The following CELSR1 variants were observed in gnomAD, a reference collection of about 807,000 sequenced individuals.
The protein encoded by CELSR1 is adhesion G protein-coupled receptor C1.
A neutral mutation model predicts 249.1 loss-of-function variants in CELSR1; 110 were observed. The observed-to-expected ratio is 0.44, with a 90% CI of 0.38 to 0.52. The LOEUF is 0.52. CELSR1 is among the 20% of genes least tolerant of loss of function. CELSR1 has a pLI of 0.00. For synonymous variants in CELSR1, 2,113 were observed against 1,900.0 expected (o/e 1.11, Z -2.92); for missense variants, 4,109 against 4,296.4 (o/e 0.96, Z 1.22).
At position 46,454,586 on chromosome 22, in the gene CELSR1, G is replaced by A. The variant is rs891631999; in HGVS notation, c.4183+9121C>T. Among the ~76,000 whole-genome samples, 9 of 152,222 alleles carry A rather than the reference G, an allele frequency of 5.9e-5. No homozygotes were observed. The highest frequency in any genetic ancestry group is 1.3e-4 in the Non-Finnish European group (9 of 68,040). ...TCTTCAGGCCACTTTTCTAACTGTG[G>A]GCCAGACATTTCTGGGCAGATGTTT... On this transcript the variant is annotated intron_variant, in intron 2 of 34. Coordinates refer to ENST00000674500, the MANE Select transcript of CELSR1 (RefSeq NM_001378328.1). The surrounding 1 kb of genome is among the most constrained non-coding windows in gnomAD (Gnocchi z 5.1).
Position 46,367,019 on chromosome 22 carries a change from C to G in CELSR1, c.8179G>C (p.Ala2727Pro). The change falls in exon 29 of 35, where the codon GCC becomes CCC. Residue 2727 changes from alanine to proline, a missense_variant. Physicochemically the swap from Ala to Pro is conservative, Grantham distance 27. Transcript: ENST00000674500. ...GGRKLHLEDS[A>P]TTRATLLTRS... ...GTCAGCAGGGTGGCCCTGGTGGTGG[C>G]GGAGTCCTCCAGGTGCAGCTTCCTC... is the stretch of plus-strand genomic sequence containing the variant. The G allele has an allele frequency of 6.2e-7, 1 of 1,610,290 alleles. No individual in the cohort carries two copies. The highest frequency in any genetic ancestry group is 8.5e-7 in the Non-Finnish European group (1 of 1,179,462).
chr22:46,485,618 G>A (rs919205455), intron 1 of CELSR1, among the ~76,000 whole-genome samples: 4 of 152,200 alleles, frequency 2.6e-5, no homozygotes, highest in Admixed American at 6.5e-5. Context: ...TTGCCGAGGA[G>A]CAAAAGCTCA....
intron 1 of CELSR1, among the ~76,000 whole-genome samples, chr22:46,531,652 C>T (rs979094130): frequency 1.3e-5 from 2 of 152,228 alleles, no homozygotes; most frequent in Admixed American, 6.5e-5. Flanking sequence ...GTGCCCCCCA[C>T]TGGCTGTGCA....
chr22:46,380,912 G>C lies in CELSR1; in HGVS notation c.7132C>G (p.Leu2378Val), dbSNP rs376771479. The C allele has an allele frequency of 1.4e-5, 22 of 1,613,634 alleles. No individual in the cohort carries two copies. The highest frequency in any genetic ancestry group is 1.6e-5 in the Non-Finnish European group (19 of 1,179,990). Residue 2378 changes from leucine to valine, a missense_variant, in exon 22 of 35, where the codon CTG (leucine) becomes GTG (valine). Physicochemically the swap from Leu to Val is conservative, Grantham distance 32 (BLOSUM62 1). Around this residue, in one of 7 missense-constraint regions of CELSR1, gnomAD observed 1,805 missense variants for 1,831.6 expected, o/e 0.99. Transcript: ENST00000674500. This position sits in a 1 kb window ranked among gnomAD's most constrained non-coding sequence, Gnocchi z 5.1. ...AGCGGAGCCCCCTCGCTGTACACCA[G>C]CGTGCTCACCATCGGGGTATTAATG... The part of the protein sequence containing the change: ...PIINTPMVST[L>V]VYSEGAPLPR...
Position 46,390,496 on chromosome 22 carries a change from G to A in CELSR1, c.6251-10C>T, listed in dbSNP as rs576653218. 2.5e-6 allele frequency: 4 copies of A among 1,609,426 alleles called. No homozygotes were observed. The South Asian group carries it at 3.3e-5, about 13-fold the overall frequency. ...TGTCGGACCGCATTTCCTGGGGAAG[G>A]AGAGCAGGTGTGCAAAGCCTGAAAC... is the stretch of plus-strand genomic sequence containing the variant. On this transcript the variant is annotated splice_polypyrimidine_tract_variant and intron_variant, in intron 16 of 34. Transcript: ENST00000674500. This position sits in a 1 kb window ranked among gnomAD's most constrained non-coding sequence, Gnocchi z 6.3.
chr22:46,423,682 A>G lies in CELSR1; in HGVS notation c.4611+9711T>C, dbSNP rs1317292678. 6.7e-6 allele frequency among the ~76,000 whole-genome samples: 1 copy of G among 149,640 alleles called. No individual in the cohort carries two copies. Among genetic ancestry groups the G allele is most frequent in the Non-Finnish European group, 1.5e-5 (1 of 67,632 alleles). ...AAAAGCTATCCGATGAGCACTATTA[A>G]CAAGTATGGGCCGGGTGCGGTGGCT... On this transcript the variant is annotated intron_variant, in intron 5 of 34. Coordinates refer to ENST00000674500, the MANE Select transcript of CELSR1 (RefSeq NM_001378328.1). This position sits in a 1 kb window ranked among gnomAD's most constrained non-coding sequence, Gnocchi z 5.6.
At chr22:46,385,712 C>T (rs1408293698) in intron 19 of CELSR1, among the ~76,000 whole-genome samples, 1 of 146,378 alleles carries the variant, frequency 6.8e-6, no homozygotes, top group Non-Finnish European at 1.5e-5. Flanking sequence ...GAGTCTGGCT[C>T]TCTCGCCCAG....
At position 46,428,584 on chromosome 22, in the gene CELSR1, C is replaced by T. The variant is rs566161867; in HGVS notation, c.4611+4809G>A. Among the ~76,000 whole-genome samples, 4 of 152,322 alleles carry T rather than the reference C, an allele frequency of 2.6e-5. No homozygotes were observed. The highest frequency in any genetic ancestry group is 4.8e-5 in the African/African-American group (2 of 41,572). Reference sequence around the variant, plus strand: ...ATGAAGACCTCTTGGTTGTCAAAACCGGGTTAGGGGAACAGCTGGAGTCTA... The same window carrying T: ...ATGAAGACCTCTTGGTTGTCAAAACTGGGTTAGGGGAACAGCTGGAGTCTA... On this transcript the variant is annotated intron_variant, in intron 5 of 34. Transcript: ENST00000674500. This position sits in a 1 kb window ranked among gnomAD's most constrained non-coding sequence, Gnocchi z 5.7.
rs548372875 is a variant in CELSR1 at position 46,409,721 on chromosome 22, G to A, written c.5059+34C>T. On this transcript the variant is annotated intron_variant, in intron 8 of 34. Transcript: ENST00000674500. The surrounding 1 kb of genome is among the most constrained non-coding windows in gnomAD (Gnocchi z 9.8). The stretch of plus-strand genomic sequence containing the variant: ...AAGGAGCAATGCCTCCCAGGCCGCC[G>A]TGACCGGGGGGATGGACGACGCCGG... The A allele has an allele frequency of 1.7e-4, 280 of 1,609,348 alleles. No individual in the cohort carries two copies. Among genetic ancestry groups the A allele is most frequent in the East Asian group, 4.7e-4 (21 of 44,872 alleles).
At position 46,406,940 on chromosome 22, in the gene CELSR1, A is replaced by AGCGGCGTGTCCGCC. The variant is rs2079273224; in HGVS notation, c.5226+2055_5226+2056insGGCGGACACGCCGC. Among the ~76,000 whole-genome samples, 1 of 152,236 alleles carries AGCGGCGTGTCCGCC rather than the reference A, an allele frequency of 6.6e-6. No homozygotes were observed. Among genetic ancestry groups the AGCGGCGTGTCCGCC allele is most frequent in the Non-Finnish European group, 1.5e-5 (1 of 68,034 alleles). ...AAGGCATGGCTCCGCCACGGCACAC[A>AGCGGCGTGTCCGCC]GCTGATGGCGGAGGACACGCAGCCC... On this transcript the variant is annotated intron_variant, in intron 9 of 34. Transcript: ENST00000674500. The surrounding 1 kb of genome is among the most constrained non-coding windows in gnomAD (Gnocchi z 5.4).
rs767642098 is a variant in CELSR1 at position 46,409,152 on chromosome 22, G to A, written c.5070C>T (p.His1690=). ...CGCTCTCACCGCTGAAGAGCTGGGG[G>A]TGAGGCATGGCTGCGGACACAGGCC... The part of the protein sequence containing the change: ...GGKNCEQAMP[H]PQLFSGESVV... The change falls in exon 9 of 35, where the codon CAC becomes CAT. Residue 1690 remains histidine, a synonymous_variant. Transcript: ENST00000674500. The surrounding 1 kb of genome is among the most constrained non-coding windows in gnomAD (Gnocchi z 9.8). 7.4e-6 allele frequency: 12 copies of A among 1,613,038 alleles called. No individual in the cohort carries two copies. Among genetic ancestry groups the A allele is most frequent in the Non-Finnish European group, 9.3e-6 (11 of 1,179,652 alleles).
In CELSR1 at chr22:46,444,566, GTTGGT is replaced by G. The variant is rs568888872; in HGVS notation, c.4184-5160_4184-5156del. Among the ~76,000 whole-genome samples, 400 of 152,336 alleles carry G rather than the reference GTTGGT, an allele frequency of 2.6e-3. 3 individuals are homozygous for G. Among genetic ancestry groups the G allele is most frequent in the African/African-American group, 9.3e-3 (385 of 41,592 alleles). On this transcript the variant is annotated intron_variant, in intron 2 of 34. Transcript: ENST00000674500. ...AAATAAAACTAATCTCCATGGAATT[GTTGGT>G]TTGGTTTGGTTTGCTTTTTTAATGC... is the stretch of plus-strand genomic sequence containing the variant.
rs1287003869 is a variant in CELSR1 at position 46,374,516 on chromosome 22, C to G, written c.7585-1459G>C. ...TTACAAAAAAACCATAAAGCCCAGG[C>G]ACTCTGCCAAGCCCCTAGAACGCTG... On this transcript the variant is annotated intron_variant, in intron 24 of 34. Coordinates refer to ENST00000674500, the MANE Select transcript of CELSR1 (RefSeq NM_001378328.1). The surrounding 1 kb of genome is among the most constrained non-coding windows in gnomAD (Gnocchi z 4.3). Among the ~76,000 whole-genome samples the G allele has an allele frequency of 6.6e-6, 1 of 152,204 alleles. No individual in the cohort carries two copies. The highest frequency in any genetic ancestry group is 2.4e-5 in the African/African-American group (1 of 41,446).
At chr22:46,498,211 T>C (rs1390540324) in intron 1 of CELSR1, among the ~76,000 whole-genome samples, 3 of 121,098 alleles carry the variant, frequency 2.5e-5, no homozygotes, top group African/African-American at 3.2e-5. Flanking sequence ...ATCGTGCCAC[T>C]GCACTCCAGC....
intron 2 of CELSR1, among the ~76,000 whole-genome samples, chr22:46,458,712 C>T (rs1015959893): frequency 6.6e-6 from 1 of 152,154 alleles, no homozygotes; most frequent in African/African-American, 2.4e-5. Flanking sequence ...CAAGAGATCC[C>T]CAAGTCGAAT....
rs2079336731 is a variant in CELSR1, at chr22:46,411,646, C to T, written c.4725G>A (p.Gly1575=). 6.2e-7 allele frequency: 1 copy of T among 1,614,104 alleles called. No homozygotes were observed. Among genetic ancestry groups the T allele is most frequent in the African/African-American group, 1.3e-5 (1 of 74,954 alleles). Residue 1575 remains glycine, a synonymous_variant, in exon 6 of 35, where the codon GGG becomes GGA. Transcript: ENST00000674500. The surrounding 1 kb of genome is among the most constrained non-coding windows in gnomAD (Gnocchi z 4.2). The part of the protein sequence containing the change: ...TMAVRFGKDI[G]NYSCAAQGTQ... ...TGCCCTGGGCAGCGCAGCTGTAGTT[C>T]CCGATGTCCTTTCCAAAGCGCACAG...
In CELSR1 at chr22:46,408,853, C is replaced by T. The variant is rs929737024; in HGVS notation, c.5226+143G>A. 71 of 648,860 alleles carry T rather than the reference C, an allele frequency of 1.1e-4. No homozygotes were observed. The highest frequency in any genetic ancestry group is 1.6e-4 in the Non-Finnish European group (63 of 391,778). 40.2% of individuals were successfully genotyped at this position (648,860 alleles called of 1,614,324 possible). Reference sequence around the variant, plus strand: ...AAGAAAGGGCTGATATTCCCCTTCCCCCTCTTCGGAGAACCCCAGGGGCGG... The same window carrying T: ...AAGAAAGGGCTGATATTCCCCTTCCTCCTCTTCGGAGAACCCCAGGGGCGG... On this transcript the variant is annotated intron_variant, in intron 9 of 34. Transcript: ENST00000674500. This position sits in a 1 kb window ranked among gnomAD's most constrained non-coding sequence, Gnocchi z 4.6.
At position 46,464,052 on chromosome 22, in the gene CELSR1, G is replaced by A. The variant is rs1235010647; in HGVS notation, c.3838C>T (p.Leu1280=). 38 of 1,613,792 alleles carry A rather than the reference G, an allele frequency of 2.4e-5. No homozygotes were observed. Among genetic ancestry groups the A allele is most frequent in the Non-Finnish European group, 3.2e-5 (38 of 1,180,046 alleles). ...CGATTCAGGTAGATCTGCTCCTGCA[G>A]GTCCTCCGACGGGAAGAACTGGCCG... The part of the protein sequence containing the change: ...VRGQFFPSED[L]QEQIYLNRTL... The change falls in exon 2 of 35, where the codon CTG becomes TTG. Residue 1280 remains leucine (L), a synonymous_variant. Coordinates refer to ENST00000674500, the MANE Select transcript of CELSR1 (RefSeq NM_001378328.1). This position sits in a 1 kb window ranked among gnomAD's most constrained non-coding sequence, Gnocchi z 8.5.
chr22:46,430,730 C>A lies in CELSR1; in HGVS notation c.4611+2663G>T, dbSNP rs1203736734. Among the ~76,000 whole-genome samples, 2 of 152,166 alleles carry A rather than the reference C, an allele frequency of 1.3e-5. No individual in the cohort carries two copies. Among genetic ancestry groups the A allele is most frequent in the Admixed American group, 6.5e-5 (1 of 15,284 alleles). On this transcript the variant is annotated intron_variant, in intron 5 of 34. Transcript: ENST00000674500. This position sits in a 1 kb window ranked among gnomAD's most constrained non-coding sequence, Gnocchi z 4.6. ...AGCCCCCAGAAGATTGTCTTCCTGA[C>A]CTCAAGCTGGCCCCCGCCACCCCTC...
Sources: gnomAD v4.1 joint callset for allele counts (sites outside exome capture counted in the v4.1 genomes callset) on GRCh38, gnomAD v4.1.1 for gene constraint, gnomAD v4.1.1 regional missense constraint, Gnocchi (gnomAD v3.1) non-coding constraint, MANE v1.5 for transcripts, NCBI Gene and HGNC (gene_info 2026-07-23, HGNC 2026-07-21) for gene names.